CEP112: variants seen among roughly 807,000 people sequenced by gnomAD.
CEP112 encodes the protein centrosomal protein of 112 kDa.
CEP112 carries 127 observed loss-of-function variants against 153.0 expected under a neutral mutation model. The ratio of observed to expected loss-of-function variants is 0.83; its 90% confidence interval spans 0.72 to 0.96. CEP112 has a LOEUF of 0.96. CEP112 is among the 40% of genes least tolerant of loss of function. The pLI is 0.00. For synonymous variants in CEP112, 358 were observed against 374.4 expected, an observed-to-expected ratio of 0.96 and a Z score of 0.51; for missense variants, 1,089 against 1,101.2, an observed-to-expected ratio of 0.99 and a Z score of 0.16.
chr17:65,975,399 G>A (rs2062997070), intron 17 of CEP112, among the ~76,000 whole-genome samples: 1 of 152,038 alleles, frequency 6.6e-6, no homozygotes, highest in Non-Finnish European at 1.5e-5. Flanking sequence ...ATAAGTATGG[G>A]ATATGTGTAT....
chr17:65,786,503 G>T (rs2054279680), intron 21 of CEP112, among the ~76,000 whole-genome samples: 1 of 147,250 alleles, frequency 6.8e-6, no homozygotes, highest in Admixed American at 6.8e-5. Context: ...GATATGAGCA[G>T]TTCTTCATGT....
intron 6 of CEP112, among the ~76,000 whole-genome samples, chr17:66,104,906 A>G (rs1386066418): frequency 6.6e-6 from 1 of 152,220 alleles, no homozygotes; most frequent in Non-Finnish European, 1.5e-5. Flanking sequence ...CCGAAAGGAA[A>G]GGACATTAAT....
chr17:65,838,147 AT>A (rs1330372805), intron 21 of CEP112, among the ~76,000 whole-genome samples: 1 of 152,220 alleles, frequency 6.6e-6, no homozygotes, highest in African/African-American at 2.4e-5. Flanking sequence ...TAAAAAATGG[AT>A]TAAAAAAAAG....
intron 12 of CEP112, chr17:66,043,137 C>T (rs965014262): frequency 1.2e-5 from 11 of 908,764 alleles, no homozygotes; most frequent in Non-Finnish European, 1.4e-5. Flanking sequence ...TTCAGACTGT[C>T]GCTGAATTTG....
At chr17:65,928,613 T>C (rs540887466) in intron 18 of CEP112, among the ~76,000 whole-genome samples, 1 of 152,176 alleles carries the variant, frequency 6.6e-6, no homozygotes, top group Admixed American at 6.5e-5. Context: ...TATTAATACA[T>C]GTACTCTGGG....
chr17:65,971,421 C>CATGTGA (rs1555740293), intron 17 of CEP112, among the ~76,000 whole-genome samples: 1 of 47,262 alleles, frequency 2.1e-5, no homozygotes. Context: ...ATGCAGCATG[C>CATGTGA]TGCATGCATG....
chr17:65,977,614 T>A (rs2063083314), intron 17 of CEP112, among the ~76,000 whole-genome samples: 1 of 152,114 alleles, frequency 6.6e-6, no homozygotes, highest in African/African-American at 2.4e-5. Flanking sequence ...GTCAGAGCTG[T>A]GGGCAGGGCA....
chr17:66,179,573 T>A (rs1031477332), intron 2 of CEP112, among the ~76,000 whole-genome samples: 23 of 152,166 alleles, frequency 1.5e-4, no homozygotes, highest in African/African-American at 5.3e-4. Context: ...GTTTATCTGT[T>A]TTAATAGGTT....
chr17:66,004,761 A>C (rs902735202), intron 17 of CEP112, among the ~76,000 whole-genome samples: 3 of 152,196 alleles, frequency 2.0e-5, no homozygotes, highest in Non-Finnish European at 4.4e-5. Context: ...GCAGAATTCG[A>C]TACTAAATGT....
intron 12 of CEP112, among the ~76,000 whole-genome samples, chr17:66,037,205 C>T (rs2065775298): frequency 6.6e-6 from 1 of 152,124 alleles, no homozygotes; most frequent in Non-Finnish European, 1.5e-5. Context: ...ATTTCTTAAA[C>T]ATATACTTTA....
chr17:66,100,063 GA>G (rs1006942384), intron 6 of CEP112, among the ~76,000 whole-genome samples: 1 of 149,806 alleles, frequency 6.7e-6, no homozygotes, highest in East Asian at 2.0e-4. Context: ...CTAGATTCAG[GA>G]AAAAAAAACA....
intron 16 of CEP112, among the ~76,000 whole-genome samples, chr17:66,012,736 A>C (rs188733645): frequency 3.9e-4 from 60 of 152,186 alleles, no homozygotes; most frequent in Admixed American, 3.9e-3. Flanking sequence ...TACTTTGCAA[A>C]GGTTCTCTGC....
chr17:65,806,043 T>A (rs2055578386), intron 21 of CEP112, among the ~76,000 whole-genome samples: 2 of 152,216 alleles, frequency 1.3e-5, no homozygotes, highest in African/African-American at 4.8e-5. Flanking sequence ...AGTATCTGTG[T>A]CAATACTACT....
intron 21 of CEP112, among the ~76,000 whole-genome samples, chr17:65,832,110 T>TGG: frequency 6.6e-6 from 1 of 152,100 alleles, no homozygotes; most frequent in East Asian, 1.9e-4. Flanking sequence ...ATAATGAAAT[T>TGG]AAGGCAGAAA....
intron 16 of CEP112, among the ~76,000 whole-genome samples, chr17:66,016,254 A>G (rs966302772): frequency 6.6e-6 from 1 of 152,128 alleles, no homozygotes; most frequent in African/African-American, 2.4e-5. Flanking sequence ...CCTTTCCTCT[A>G]CAATGCTTTC....
chr17:65,648,210 G>T (rs537723668), intron 24 of CEP112, among the ~76,000 whole-genome samples: 1 of 151,838 alleles, frequency 6.6e-6, no homozygotes, highest in Non-Finnish European at 1.5e-5. Flanking sequence ...CAACCACATC[G>T]CACCAAAGAG....
intron 23 of CEP112, among the ~76,000 whole-genome samples, chr17:65,701,176 G>A (rs1241223899): frequency 1.3e-5 from 2 of 152,136 alleles, no homozygotes. Context: ...GATGGGCCCG[G>A]GGGAATGCAT....
intron 19 of CEP112, among the ~76,000 whole-genome samples, chr17:65,919,341 T>C (rs2060617745): frequency 6.6e-6 from 1 of 151,910 alleles, no homozygotes; most frequent in South Asian, 2.1e-4. Flanking sequence ...TTGCTCACAC[T>C]CCCCCGGGGA....
At chr17:65,814,474 GA>G (rs1261835236) in intron 21 of CEP112, among the ~76,000 whole-genome samples, 1 of 152,108 alleles carries the variant, frequency 6.6e-6, no homozygotes, top group Non-Finnish European at 1.5e-5. Flanking sequence ...CATCCAAAAA[GA>G]ATAAAAGCAC....
Sources: allele counts gnomAD v4.1 joint callset (sites outside exome capture counted in the v4.1 genomes callset), GRCh38; gene constraint gnomAD v4.1.1; transcripts MANE v1.5; gene names NCBI Gene and HGNC (gene_info 2026-07-23, HGNC 2026-07-21).